Variants in RBFOX1 observed in about 807,000 individuals in gnomAD.
RBFOX1 encodes the protein RNA binding protein fox-1 homolog 1.
A neutral mutation model predicts 57.7 loss-of-function variants in RBFOX1; 8 were observed. The observed-to-expected ratio is 0.14, with a 90% confidence interval of 0.08 to 0.25. The LOEUF (loss-of-function observed/expected upper bound fraction) is 0.25, where lower values mean the gene tolerates loss of function less well. RBFOX1 is among the 10% of genes least tolerant of loss of function. The pLI is 1.00. For synonymous variants in RBFOX1, 326 were observed against 222.4 expected (o/e 1.47, Z -4.15); for missense variants, 611 against 548.5 (o/e 1.11, Z -1.14).
intron 3 of RBFOX1, among the ~76,000 whole-genome samples, chr16:5,654,116 T>G (rs2049341212): frequency 6.6e-6 from 1 of 152,180 alleles, no homozygotes; most frequent in Non-Finnish European, 1.5e-5. Context: ...GGTCAAATAC[T>G]AGCTCGAGCA....
At chr16:6,537,060 C>T (rs116354474) in intron 2 of RBFOX1, among the ~76,000 whole-genome samples, 1 of 152,160 alleles carries the variant, frequency 6.6e-6, no homozygotes, top group East Asian at 1.9e-4. Flanking sequence ...CTCCTCTCAG[C>T]TCTGGTATAG....
chr16:7,438,156 G>C (rs2149791111), intron 4 of RBFOX1, among the ~76,000 whole-genome samples: 1 of 152,246 alleles, frequency 6.6e-6, no homozygotes, highest in East Asian at 1.9e-4. Context: ...AAAAAGAAAA[G>C]ATTATATAAG....
In RBFOX1 at chr16:7,684,833, T is replaced by C. The variant is rs1366367575; in HGVS notation, c.995+7995T>C. ...AGTGGGAGTGGAGGCACTTTAATAA[T>C]TCTTCCTGGACAATACCAGCTTCCC... On this transcript the variant is annotated intron_variant, in intron 14 of 15. Transcript: ENST00000550418. Among the ~76,000 whole-genome samples the C allele has an allele frequency of 4.6e-5, 7 of 152,230 alleles. No homozygotes were observed. The South Asian group carries it at 6.2e-4, about 14-fold the overall frequency.
intron 3 of RBFOX1, among the ~76,000 whole-genome samples, chr16:5,808,435 G>A (rs1315391289): frequency 1.3e-5 from 2 of 152,160 alleles, no homozygotes; most frequent in Non-Finnish European, 2.9e-5. Context: ...CTTTAAAGTA[G>A]TTTTTTCCAA....
At chr16:7,573,286 AG>A (rs2092982334) in intron 5 of RBFOX1, among the ~76,000 whole-genome samples, 1 of 152,172 alleles carries the variant, frequency 6.6e-6, no homozygotes, top group Non-Finnish European at 1.5e-5. Flanking sequence ...GGAGACAGGC[AG>A]CAGGCAAAGT....
At chr16:5,978,456 CA>C (rs2060110078) in intron 4 of RBFOX1, among the ~76,000 whole-genome samples, 2 of 152,166 alleles carry the variant, frequency 1.3e-5, no homozygotes, top group Non-Finnish European at 2.9e-5. Flanking sequence ...TAACGTCATC[CA>C]TCAACAGGGT....
At chr16:6,549,487 AAGAGGAAGAGGAGG>A (rs1404488380) in intron 2 of RBFOX1, among the ~76,000 whole-genome samples, 3 of 59,828 alleles carry the variant, frequency 5.0e-5, no homozygotes, top group African/African-American at 1.5e-4. Flanking sequence ...GGAGGAGGGG[AAGAGGAAGAGGAGG>A]AGGGGAAGAG....
chr16:6,896,090 T>G (rs11640013), intron 3 of RBFOX1, among the ~76,000 whole-genome samples: 1 of 151,970 alleles, frequency 6.6e-6, no homozygotes. Flanking sequence ...CTGGCCAACA[T>G]GGTGAAACCC....
intron 1 of RBFOX1, among the ~76,000 whole-genome samples, chr16:6,067,624 C>T (rs945085039): frequency 1.3e-5 from 2 of 152,152 alleles, no homozygotes; most frequent in East Asian, 1.9e-4. Context: ...CATGAAGGTA[C>T]AGCCTCAGCT....
chr16:7,427,988 C>A (rs557727297), intron 4 of RBFOX1, among the ~76,000 whole-genome samples: 2 of 152,284 alleles, frequency 1.3e-5, no homozygotes, highest in Non-Finnish European at 2.9e-5. Context: ...TATCAGATAT[C>A]TTTTTACATT....
intron 3 of RBFOX1, among the ~76,000 whole-genome samples, chr16:5,786,829 G>A (rs2054517441): frequency 6.6e-6 from 1 of 152,168 alleles, no homozygotes; most frequent in Admixed American, 6.6e-5. Context: ...GGAAGGAAGT[G>A]AAAGAGGTCT....
chr16:7,171,824 T>C (rs1175518810), intron 4 of RBFOX1, among the ~76,000 whole-genome samples: 1 of 152,222 alleles, frequency 6.6e-6, no homozygotes, highest in Non-Finnish European at 1.5e-5. Flanking sequence ...TTTTTTTAGC[T>C]ATAAAATTTT....
At chr16:7,267,155 T>C (rs1844706694) in intron 4 of RBFOX1, among the ~76,000 whole-genome samples, 1 of 152,098 alleles carries the variant, frequency 6.6e-6, no homozygotes, top group Non-Finnish European at 1.5e-5. Flanking sequence ...CTTATGCACT[T>C]TGGGAGGCCG....
At chr16:5,588,736 G>T (rs1233957964) in intron 2 of RBFOX1, among the ~76,000 whole-genome samples, 1 of 152,170 alleles carries the variant, frequency 6.6e-6, no homozygotes, top group Non-Finnish European at 1.5e-5. Flanking sequence ...TGGCTGTCAA[G>T]AATTGACTGA....
At chr16:7,496,773 G>A (rs1180839762) in intron 4 of RBFOX1, among the ~76,000 whole-genome samples, 7 of 142,092 alleles carry the variant, frequency 4.9e-5, no homozygotes, top group Non-Finnish European at 9.1e-5. Flanking sequence ...TTTGCATTGT[G>A]TAATTGCTCC....
intron 3 of RBFOX1, among the ~76,000 whole-genome samples, chr16:6,741,595 G>A (rs143889410): frequency 3.0e-4 from 45 of 151,938 alleles, no homozygotes; most frequent in African/African-American, 8.7e-4. Context: ...CTTGAACTGC[G>A]GAGGTGGAGG....
At chr16:7,594,858 G>C (rs910879708) in intron 7 of RBFOX1, among the ~76,000 whole-genome samples, 39 of 152,162 alleles carry the variant, frequency 2.6e-4, no homozygotes, top group African/African-American at 8.9e-4. Context: ...GAAAGTATGA[G>C]CACAAACATT....
At chr16:6,660,206 A>G (rs1166022578) in intron 3 of RBFOX1, among the ~76,000 whole-genome samples, 1 of 151,380 alleles carries the variant, frequency 6.6e-6, no homozygotes, top group Non-Finnish European at 1.5e-5. Flanking sequence ...CCTGGGCAAT[A>G]AGAGTGAGAC....
intron 3 of RBFOX1, among the ~76,000 whole-genome samples, chr16:6,914,552 G>A (rs1282167630): frequency 7.9e-5 from 11 of 140,038 alleles, no homozygotes; most frequent in African/African-American, 1.5e-4. Flanking sequence ...AGCTCCAGAA[G>A]AAAACAAAAA....
Sources: gnomAD v4.1 joint callset for allele counts (sites outside exome capture counted in the v4.1 genomes callset) on GRCh38, gnomAD v4.1.1 for gene constraint, MANE v1.5 for transcripts, NCBI Gene and HGNC (gene_info 2026-07-23, HGNC 2026-07-21) for gene names.